TENM1: variants seen among roughly 807,000 people sequenced by gnomAD.
TENM1 encodes teneurin-1.
A neutral mutation model predicts 174.8 loss-of-function variants in TENM1; 35 were observed. That is an observed-to-expected ratio of 0.20 (90% CI 0.15 to 0.27). TENM1 has a LOEUF of 0.27. TENM1 is among the 10% of genes least tolerant of loss of function. The pLI is 1.00. For missense variants in TENM1, 1,633 were observed against 2,130.1 expected (o/e 0.77, Z 4.59); for synonymous variants, 781 against 798.7 (o/e 0.98, Z 0.37).
At chrX:124,645,414 TCGTATTTC>T in intron 9 of TENM1, 77 bp from the exon 13 acceptor site, 1 of 1,015,418 alleles carries the variant, frequency 9.8e-7, no homozygotes, top group Admixed American at 2.7e-5. Flanking sequence ...CTATTGATTT[TCGTATTTC>T]AGGCAAAAAA....
At chrX:125,103,139 T>C in the TENM1 span, among the ~76,000 whole-genome samples, 4 of 112,337 alleles carry the variant, frequency 3.6e-5, no homozygotes, top group Middle Eastern at 4.6e-3. Flanking sequence ...TTTACAACTA[T>C]AAGGCAAAAG....
chrX:124,711,915 T>C (rs1364021372), intron 4 of TENM1, among the ~76,000 whole-genome samples: 1 of 112,049 alleles, frequency 8.9e-6, no homozygotes, highest in Non-Finnish European at 1.9e-5. Context: ...TTGACTACTT[T>C]ACATACTTCA....
intron 11 of TENM1, among the ~76,000 whole-genome samples, chrX:124,639,685 C>T (rs891534307): frequency 5.4e-5 from 6 of 111,033 alleles, no homozygotes; most frequent in Admixed American, 9.6e-5. Flanking sequence ...GAGTTGTTAT[C>T]AGTGAGTTAA....
chrX:125,055,239 A>C, the TENM1 span, among the ~76,000 whole-genome samples: 1,638 of 111,713 alleles, frequency 0.015, 18 homozygotes, highest in Non-Finnish European at 0.024. Flanking sequence ...TCAGTTTTAC[A>C]GACAGAAAAC....
intron 3 of TENM1, among the ~76,000 whole-genome samples, chrX:124,843,402 G>A (rs765258576): frequency 1.8e-5 from 2 of 110,949 alleles, no homozygotes; most frequent in Admixed American, 9.6e-5. Flanking sequence ...CAGTACTTGA[G>A]AGTTTACAGA....
In TENM1 at chrX:124,385,913, G is replaced by A. The variant is rs1026367154; in HGVS notation, c.5840C>T (p.Pro1947Leu). 1.7e-5 allele frequency: 21 copies of A among 1,210,563 alleles called. No homozygotes were observed. The highest frequency in any genetic ancestry group is 2.3e-5 in the Non-Finnish European group (21 of 894,683). ...TTGGATAAAAGAAGTGCTACTGTCC[G>A]GTGGGGTGTAGATGTTCCGGTAGTA... is the stretch of plus-strand genomic sequence containing the variant. Residue 1947 changes from proline to leucine, a missense_variant, in exon 29 of 32, where the codon CCG becomes CTG. By Grantham distance (98) the Pro-to-Leu change is moderately conservative. This residue lies in a region of TENM1 where 807 missense variants were observed against 1,125.3 expected (regional missense o/e 0.72). Coordinates refer to ENST00000422452, the Ensembl canonical transcript of TENM1.
At position 124,675,808 on chromosome X, in the gene TENM1, C is replaced by T. The variant is rs565608610; in HGVS notation, c.1016-3973G>A. ...AGATAACGTTGGGTAGTTATAAGTGCTATGAAGGTAAAAATAGGTAAGGGT... is the reference window on the plus strand; with the variant it reads ...AGATAACGTTGGGTAGTTATAAGTGTTATGAAGGTAAAAATAGGTAAGGGT... On this transcript the variant is annotated intron_variant, in intron 5 of 31. Coordinates refer to ENST00000422452, the Ensembl canonical transcript of TENM1. 1.0e-4 allele frequency among the ~76,000 whole-genome samples: 11 copies of T among 109,838 alleles called. No homozygotes were observed. The South Asian group carries it at 4.3e-3, about 43-fold the overall frequency.
chrX:124,517,210 T>A lies in TENM1; in HGVS notation c.3301+3307A>T, dbSNP rs545215319. ...AATAACTATTGGGTACTAGGCTTAG[T>A]AAATGGGTGCCAAAACAATCTGTAC... On this transcript the variant is annotated intron_variant, in intron 18 of 31. Coordinates refer to ENST00000422452, the Ensembl canonical transcript of TENM1. 7.8e-4 allele frequency among the ~76,000 whole-genome samples: 86 copies of A among 110,899 alleles called. No homozygotes were observed. The South Asian group carries it at 0.033, about 42-fold the overall frequency.
At chrX:125,099,656 CTG>C in the TENM1 span, among the ~76,000 whole-genome samples, 1 of 111,535 alleles carries the variant, frequency 9.0e-6, no homozygotes, top group African/African-American at 3.3e-5. Flanking sequence ...GGGATGCATT[CTG>C]TGTGTCTAGA....
At chrX:124,583,501 A>C (rs754898941) in intron 11 of TENM1, among the ~76,000 whole-genome samples, 2 of 111,374 alleles carry the variant, frequency 1.8e-5, no homozygotes, top group East Asian at 5.7e-4. Flanking sequence ...AAAACTAACA[A>C]CCAGAAAGGA....
intron 6 of TENM1, among the ~76,000 whole-genome samples, chrX:124,664,261 T>G (rs1452061579): frequency 9.0e-6 from 1 of 111,207 alleles, no homozygotes; most frequent in Non-Finnish European, 1.9e-5. Flanking sequence ...AAAGGGCTGC[T>G]GAATATCCAC....
At chrX:124,384,753 C>T in exon 30 of TENM1, 1 of 1,211,291 alleles carries the variant, frequency 8.3e-7, no homozygotes, top group Non-Finnish European at 1.1e-6. Flanking sequence ...TTGATTACAG[C>T]TTGCATGCTT....
the TENM1 span, among the ~76,000 whole-genome samples, chrX:125,068,481 AAATAC>A: frequency 8.9e-6 from 1 of 112,171 alleles, no homozygotes; most frequent in Non-Finnish European, 1.9e-5. Context: ...TAATGAAATA[AAATAC>A]AATAGATATT....
At chrX:124,521,386 T>G (rs918283246) in intron 17 of TENM1, among the ~76,000 whole-genome samples, 1 of 111,847 alleles carries the variant, frequency 8.9e-6, no homozygotes, top group Non-Finnish European at 1.9e-5. Flanking sequence ...GAGGCCAAAT[T>G]TTTAATCAAA....
exon 24 of TENM1, chrX:124,422,399 T>C: frequency 8.3e-7 from 1 of 1,211,699 alleles, no homozygotes; most frequent in Non-Finnish European, 1.1e-6. Flanking sequence ...CTGTTTCAGC[T>C]ATGAAGAGCA....
At chrX:124,405,120 G>A (rs1288934780) in exon 27 of TENM1, 12 of 1,211,464 alleles carry the variant, frequency 9.9e-6, no homozygotes, top group African/African-American at 3.5e-5. Context: ...TGCTCTCCGG[G>A]CAATGAGATG....
Position 124,403,952 on chromosome X carries a change from C to T in TENM1, c.5391+1079G>A, listed in dbSNP as rs757694354. Among the ~76,000 whole-genome samples the T allele has an allele frequency of 2.9e-4, 32 of 111,132 alleles. No individual in the cohort carries two copies. The East Asian group carries it at 3.4e-3, about 12-fold the overall frequency. On this transcript the variant is annotated intron_variant, in intron 27 of 31. Transcript: ENST00000422452. Reference sequence around the variant, plus strand: ...CCAATCGGAATTAGTTTAGTCTGTGCGGTCTAACCCTAGCCAATAGGGGAA... The same window carrying T: ...CCAATCGGAATTAGTTTAGTCTGTGTGGTCTAACCCTAGCCAATAGGGGAA...
chrX:124,812,110 A>T (rs2147268820), intron 3 of TENM1, among the ~76,000 whole-genome samples: 1 of 111,335 alleles, frequency 9.0e-6, no homozygotes, highest in Admixed American at 9.6e-5. Context: ...AGTTAATGAC[A>T]GTATCTTGTA....
At chrX:125,179,494 G>T in the TENM1 span, among the ~76,000 whole-genome samples, 1 of 111,316 alleles carries the variant, frequency 9.0e-6, no homozygotes, top group African/African-American at 3.3e-5. Context: ...CTCTTGCTAG[G>T]GTTATGAACA....
Sources: allele counts gnomAD v4.1 joint callset (sites outside exome capture counted in the v4.1 genomes callset), GRCh38; gene constraint gnomAD v4.1.1; regional missense constraint gnomAD v4.1.1; transcripts MANE v1.5; gene names NCBI Gene and HGNC (gene_info 2026-07-23, HGNC 2026-07-21).